The following PEAK3 variants were observed in gnomAD, a reference collection of about 807,000 sequenced individuals.
PEAK3 encodes the protein PEAK family member 3.
PEAK3 carries 15 observed loss-of-function variants against 13.3 expected under a neutral mutation model. The ratio of observed to expected loss-of-function variants is 1.13; its 90% CI spans 0.75 to 1.73. The LOEUF (loss-of-function observed/expected upper bound fraction) is 1.73, where lower values mean the gene tolerates loss of function less well. Among genes scored for constraint, PEAK3 ranks in the 40% most tolerant of loss-of-function variants. The pLI, the probability that PEAK3 is intolerant of heterozygous loss-of-function variation, is 0.00. For synonymous variants in PEAK3, 347 were observed against 341.9 expected (o/e 1.01, Z -0.17); for missense variants, 739 against 690.2 (o/e 1.07, Z -0.79).
rs756096103 is a variant in PEAK3, at chr19:2,275,847, C to G, written c.1255G>C (p.Ala419Pro). ...CGCACCCGCAGCCAGGGCCCGAGCG[C>G]TCGGAGCCAGGGACCAAGCGGTGCT... ...RGAPLGPWLR[A>P]LGPWLRVRRG... is the part of the protein sequence containing the mutation. The change falls in exon 4 of 4, where the codon GCG (alanine) becomes CCG (proline). Residue 419 changes from alanine to proline, a missense_variant. Ala to Pro is a conservative substitution (Grantham distance 27). Transcript: ENST00000342063. 6.7e-7 allele frequency: 1 copy of G among 1,493,530 alleles called. No individual in the cohort carries two copies. Among genetic ancestry groups the G allele is most frequent in the East Asian group, 2.8e-5 (1 of 36,200 alleles). The allele number at this position is 1,493,530 out of a possible 1,614,324, so 92.5% of individuals were successfully genotyped here. A position where few individuals can be genotyped will look rare whatever the true frequency, so the allele number is the denominator to read the frequency against.
intron 2 of PEAK3, among the ~76,000 whole-genome samples, chr19:2,280,214 C>G (rs1052229364): frequency 6.6e-6 from 1 of 151,902 alleles, no homozygotes; most frequent in African/African-American, 2.4e-5. Context: ...AGGCATGCAC[C>G]ACCATGTCTG....
intron 2 of PEAK3, among the ~76,000 whole-genome samples, chr19:2,280,025 A>G (rs1351668119): frequency 2.4e-5 from 3 of 125,348 alleles, no homozygotes; most frequent in African/African-American, 9.2e-5. Flanking sequence ...AAGTGCTGGG[A>G]TTACAGGCTT....
At chr19:2,278,494 T>A in intron 3 of PEAK3, 90 bp downstream of exon 3, 1 of 1,327,532 alleles carries the variant, frequency 7.5e-7, no homozygotes, top group Non-Finnish European at 9.7e-7. Context: ...GAGAACTGAC[T>A]CACAGAAAGG....
chr19:2,276,713 C>T (rs1035163591), intron 3 of PEAK3, among the ~76,000 whole-genome samples: 1 of 152,152 alleles, frequency 6.6e-6, no homozygotes, highest in Non-Finnish European at 1.5e-5. Flanking sequence ...GAAGATGTTC[C>T]TGGGCAATGA....
chr19:2,279,205 T>G, intron 2 of PEAK3, 92 bp from the exon 3 acceptor site: 2 of 1,127,060 alleles, frequency 1.8e-6, no homozygotes, highest in Non-Finnish European at 2.3e-6. Context: ...TCCCCATCTC[T>G]AACATGGAAG....
chr19:2,276,016 A>G lies in PEAK3; in HGVS notation c.1086T>C (p.Leu362=). 7.0e-7 allele frequency: 1 copy of G among 1,422,110 alleles called. No individual in the cohort carries two copies. The highest frequency in any genetic ancestry group is 9.1e-7 in the Non-Finnish European group (1 of 1,093,050). 88.1% of individuals were successfully genotyped at this position (1,422,110 alleles called of 1,614,324 possible). ...CCAAAGGCGTGGTCGAGGGCGCAGC[A>G]AGGCTGAGCAGCGCTCGGAGGAGGC... ...LGSLLRALLS[L]AAPSTTPLAA... The change falls in exon 4 of 4, where the codon CTT becomes CTC. Residue 362 remains leucine, a synonymous_variant. Coordinates refer to ENST00000342063, the MANE Select transcript of PEAK3 (RefSeq NM_198532.3).
intron 2 of PEAK3, 87 bp downstream of exon 2, chr19:2,280,763 C>G (rs776840194): frequency 3.2e-6 from 3 of 923,802 alleles, no homozygotes; most frequent in Non-Finnish European, 4.5e-6. Context: ...AACCTCCTGC[C>G]GCTCCCTGCA....
In PEAK3 at chr19:2,282,108, T is replaced by G. The variant is rs1189225849; in HGVS notation, c.-26A>C. 2.6e-5 allele frequency: 4 copies of G among 152,556 alleles called. No homozygotes were observed. Among genetic ancestry groups the G allele is most frequent in the African/African-American group, 4.8e-5 (2 of 41,432 alleles). 9.5% of individuals were successfully genotyped at this position (152,556 alleles called of 1,614,324 possible). ...CTACCTTCAAGACTGGCGTGCCCTC[T>G]GGGGGAGGAGGGGTCCGTGGGGACA... is the stretch of plus-strand genomic sequence containing the variant. On this transcript the variant is annotated 5_prime_UTR_variant, in exon 1 of 4. Coordinates refer to ENST00000342063, the MANE Select transcript of PEAK3 (RefSeq NM_198532.3).
At position 2,276,709 on chromosome 19, in the gene PEAK3, G is replaced by A. The variant is rs1599157594; in HGVS notation, c.613-220C>T. Among the ~76,000 whole-genome samples the A allele has an allele frequency of 3.9e-5, 6 of 152,300 alleles. 1 individual carries two copies. Among genetic ancestry groups the A allele is most frequent in the Admixed American group, 3.9e-4 (6 of 15,300 alleles). ...GGAAAGTTAAGCCAGGGAAGAAGAT[G>A]TTCCTGGGCAATGAGTTCGAAAGCA... On this transcript the variant is annotated intron_variant, in intron 3 of 3. Coordinates refer to ENST00000342063, the MANE Select transcript of PEAK3 (RefSeq NM_198532.3).
At chr19:2,277,458 A>G (rs1176631476) in intron 3 of PEAK3, among the ~76,000 whole-genome samples, 1 of 152,120 alleles carries the variant, frequency 6.6e-6, no homozygotes, top group Non-Finnish European at 1.5e-5. Flanking sequence ...AGGCCTCCCC[A>G]GAAGCAGAAG....
At position 2,275,374 on chromosome 19, in the gene PEAK3, G is replaced by C. The variant is rs1014831322; in HGVS notation, c.*306C>G. ...TGCTGGGGAAGGCAGAACACAGAGA[G>C]ACATTGATCAGCGGGGTTGTCCACA... On this transcript the variant is annotated 3_prime_UTR_variant, in exon 4 of 4. Transcript: ENST00000342063. The C allele has an allele frequency of 1.5e-5, 4 of 274,980 alleles. No individual in the cohort carries two copies. Among genetic ancestry groups the C allele is most frequent in the African/African-American group, 6.6e-5 (3 of 45,352 alleles). The allele number at this position is 274,980 out of a possible 1,614,324, so 17.0% of individuals were successfully genotyped here.
Position 2,279,026 on chromosome 19 carries a change from G to T in PEAK3, c.170C>A (p.Pro57Gln). 1 of 1,536,272 alleles carries T rather than the reference G, an allele frequency of 6.5e-7. No individual in the cohort carries two copies. The highest frequency in any genetic ancestry group is 8.8e-7 in the Non-Finnish European group (1 of 1,135,780). Reference protein sequence around the residue: ...SLSTNPEPLPPPLPKKILTRT... With the variant: ...SLSTNPEPLPQPLPKKILTRT... Reference sequence around the variant, plus strand: ...GGTTAGGATCTTCTTGGGCAGGGGTGGGGGCAGGGGCTCTGGGTTGGTGGA... The same window carrying T: ...GGTTAGGATCTTCTTGGGCAGGGGTTGGGGCAGGGGCTCTGGGTTGGTGGA... Residue 57 changes from proline to glutamine, a missense_variant, in exon 3 of 4, where the codon CCA becomes CAA. Physicochemically the swap from Pro to Gln is moderately conservative, Grantham distance 76 (BLOSUM62 -1). Transcript: ENST00000342063.
intron 3 of PEAK3, 66 bp from the exon 4 acceptor site, chr19:2,276,555 T>G (rs1025887117): frequency 2.9e-6 from 4 of 1,365,148 alleles, no homozygotes; most frequent in African/African-American, 2.9e-5. Flanking sequence ...CCTGCCCCAG[T>G]GCTACCTGCC....
At chr19:2,277,145 G>A (rs140674748) in intron 3 of PEAK3, among the ~76,000 whole-genome samples, 8 of 152,294 alleles carry the variant, frequency 5.3e-5, no homozygotes, top group East Asian at 3.9e-4. Flanking sequence ...GGTTAACTGC[G>A]TTGATTCACG....
In PEAK3 at chr19:2,275,946, G is replaced by T; in HGVS notation, c.1156C>A (p.Pro386Thr). 7.2e-7 allele frequency: 1 copy of T among 1,393,254 alleles called. No homozygotes were observed. Among genetic ancestry groups the T allele is most frequent in the Non-Finnish European group, 9.2e-7 (1 of 1,081,494 alleles). The allele number at this position is 1,393,254 out of a possible 1,614,324, so 86.3% of individuals were successfully genotyped here. A position where few individuals can be genotyped will look rare whatever the true frequency, so the allele number is the denominator to read the frequency against. Residue 386 changes from proline (P) to threonine (T), a missense_variant, in exon 4 of 4, where the codon CCC becomes ACC. Physicochemically the swap from Pro to Thr is conservative, Grantham distance 38. Coordinates refer to ENST00000342063, the MANE Select transcript of PEAK3 (RefSeq NM_198532.3). ...LLAAQLTRLRPSASRTRGALQ... is the reference protein window; with the variant it reads ...LLAAQLTRLRTSASRTRGALQ... ...GCGCCCCGCGTCCGGGACGCCGAGG[G>T]CCGCAAGCGGGTCAGCTGTGCTGCC...
At position 2,275,990 on chromosome 19, in the gene PEAK3, G is replaced by A; in HGVS notation, c.1112C>T (p.Ala371Val). ...TGCTGCCAGGAGCTCCAGGCCCGCG[G>A]CCAAAGGCGTGGTCGAGGGCGCAGC... ...SLAAPSTTPLAAGLELLAAQL... is the reference protein window; with the variant it reads ...SLAAPSTTPLVAGLELLAAQL... The change falls in exon 4 of 4, where the codon GCC becomes GTC. Residue 371 changes from alanine (A) to valine (V), a missense_variant. By Grantham distance (64) the Ala-to-Val change is moderately conservative. Coordinates refer to ENST00000342063, the MANE Select transcript of PEAK3 (RefSeq NM_198532.3). 7.1e-7 allele frequency: 1 copy of A among 1,414,366 alleles called. No homozygotes were observed. Among genetic ancestry groups the A allele is most frequent in the South Asian group, 1.5e-5 (1 of 67,526 alleles). 87.6% of individuals were successfully genotyped at this position (1,414,366 alleles called of 1,614,324 possible). A position where few individuals can be genotyped will look rare whatever the true frequency, so the allele number is the denominator to read the frequency against.
At chr19:2,279,219 T>A in intron 2 of PEAK3, 106 bp from the exon 3 acceptor site, 2 of 1,016,502 alleles carry the variant, frequency 2.0e-6, no homozygotes, top group Non-Finnish European at 1.3e-6. Flanking sequence ...ATGGAAGTAA[T>A]GAGGCTGGGC....
rs970534182 is a variant in PEAK3, at chr19:2,275,368, CAGAG to C, written c.*308_*311del. The C allele has an allele frequency of 2.7e-5, 7 of 263,270 alleles. No homozygotes were observed. The highest frequency in any genetic ancestry group is 5.4e-5 in the Admixed American group (1 of 18,420). 16.3% of individuals were successfully genotyped at this position (263,270 alleles called of 1,614,324 possible). A position where few individuals can be genotyped will look rare whatever the true frequency, so the allele number is the denominator to read the frequency against. The stretch of plus-strand genomic sequence containing the variant: ...CCTGGCTGCTGGGGAAGGCAGAACA[CAGAG>C]AGACATTGATCAGCGGGGTTGTCCA... On this transcript the variant is annotated 3_prime_UTR_variant, in exon 4 of 4. Coordinates refer to ENST00000342063, the MANE Select transcript of PEAK3 (RefSeq NM_198532.3).
chr19:2,275,728 C>A lies in PEAK3; in HGVS notation c.1374G>T (p.Glu458Asp). ...CCTGGCCCATCGAGGACTCGGTGGCCTCGGCCAGGTATTCGCAACACAGCC... is the reference window on the plus strand; with the variant it reads ...CCTGGCCCATCGAGGACTCGGTGGCATCGGCCAGGTATTCGCAACACAGCC... ...EDWLCCEYLA[E>D]ATESSMGQAL... Residue 458 changes from glutamate (E) to aspartate (D), a missense_variant, in exon 4 of 4, where the codon GAG (glutamate) becomes GAT (aspartate). Transcript: ENST00000342063. 1 of 1,558,436 alleles carries A rather than the reference C, an allele frequency of 6.4e-7. No individual in the cohort carries two copies. Among genetic ancestry groups the A allele is most frequent in the Non-Finnish European group, 8.7e-7 (1 of 1,154,194 alleles).
Sources: gnomAD v4.1 joint callset for allele counts (sites outside exome capture counted in the v4.1 genomes callset) on GRCh38, gnomAD v4.1.1 for gene constraint, MANE v1.5 for transcripts, NCBI Gene and HGNC (gene_info 2026-07-23, HGNC 2026-07-21) for gene names.